Variants in NCALD observed in about 807,000 individuals in gnomAD.
NCALD encodes neurocalcin delta, also known as neurocalcin-delta.
NCALD carries 10 observed loss-of-function variants against 18.6 expected under a neutral mutation model. That is an observed-to-expected ratio of 0.54 (90% CI 0.33 to 0.91). The LOEUF is 0.91. Ranked by LOEUF, NCALD falls within the 40% of genes least tolerant of loss-of-function variation. The probability of loss-of-function intolerance (pLI) is 0.03; values close to 1 mark genes in which losing one functional copy is unlikely to be tolerated. For synonymous variants in NCALD, 88 were observed against 87.4 expected (o/e 1.01, Z -0.04); for missense variants, 184 against 247.6 (o/e 0.74, Z 1.72).
intron 3 of NCALD, among the ~76,000 whole-genome samples, chr8:101,897,032 C>T (rs1586716780): frequency 2.6e-5 from 2 of 76,200 alleles, no homozygotes; most frequent in Admixed American, 1.6e-4. Context: ...ACCCAAAGGA[C>T]TATAAATCAT....
At chr8:102,105,470 AG>A (rs1368174991) in intron 1 of NCALD, among the ~76,000 whole-genome samples, 4 of 152,182 alleles carry the variant, frequency 2.6e-5, no homozygotes, top group African/African-American at 9.6e-5. Flanking sequence ...TGCCTTTCTC[AG>A]TGAGCTGGAC....
intron 1 of NCALD, among the ~76,000 whole-genome samples, chr8:101,766,679 C>T (rs562323716): frequency 1.3e-5 from 2 of 152,246 alleles, no homozygotes; most frequent in South Asian, 2.1e-4. Flanking sequence ...TGGGTTCAAG[C>T]GATTCTCATG....
chr8:101,689,430 G>A lies in NCALD; in HGVS notation c.485-24C>T, dbSNP rs1265635259. On this transcript the variant is annotated intron_variant, in intron 3 of 3. Transcript: ENST00000220931. This position sits in a 1 kb window ranked among gnomAD's most constrained non-coding sequence, Gnocchi z 4.4. ...TCCTAGGAAGCAAGAGGACAGGTGAGTGGTGGCTGGTGGCAGCTGCATGAG... is the reference window on the plus strand; with the variant it reads ...TCCTAGGAAGCAAGAGGACAGGTGAATGGTGGCTGGTGGCAGCTGCATGAG... 1 of 1,553,270 alleles carries A rather than the reference G, an allele frequency of 6.4e-7. No individual in the cohort carries two copies. Among genetic ancestry groups the A allele is most frequent in the African/African-American group, 1.4e-5 (1 of 73,458 alleles).
intron 2 of NCALD, among the ~76,000 whole-genome samples, chr8:101,714,388 C>CA (rs1815961850): frequency 6.6e-6 from 1 of 152,176 alleles, no homozygotes; most frequent in Non-Finnish European, 1.5e-5. Context: ...AACTCCCACT[C>CA]ACAATTGCTA....
chr8:101,882,789 T>C (rs924253999), intron 4 of NCALD, among the ~76,000 whole-genome samples: 1 of 152,204 alleles, frequency 6.6e-6, no homozygotes, highest in Non-Finnish European at 1.5e-5. Context: ...ATACTCTCTA[T>C]GTAGCTATGC....
chr8:101,783,325 A>G (rs1398060748), intron 1 of NCALD, among the ~76,000 whole-genome samples: 1 of 152,210 alleles, frequency 6.6e-6, no homozygotes, highest in African/African-American at 2.4e-5. Flanking sequence ...TAAGGACACA[A>G]GGACCACATT....
chr8:101,874,763 A>G (rs1369899994), intron 4 of NCALD, among the ~76,000 whole-genome samples: 1 of 152,150 alleles, frequency 6.6e-6, no homozygotes, highest in Non-Finnish European at 1.5e-5. Flanking sequence ...CCTGGCCTCA[A>G]GTGATCCTCT....
intron 4 of NCALD, among the ~76,000 whole-genome samples, chr8:101,875,263 G>A (rs1270780305): frequency 6.6e-6 from 1 of 152,214 alleles, no homozygotes; most frequent in African/African-American, 2.4e-5. Context: ...CAGATGTCAG[G>A]ATGCTGGACT....
rs556582916 is a variant in NCALD at position 102,005,295 on chromosome 8, A to G, written c.-157+14942T>C. ...GAAAAAATGCTCATCATTACTGGCC[A>G]TCAGAGAAATGCAAATCAAAACCAC... On this transcript the variant is annotated intron_variant, in intron 2 of 6. Coordinates refer to the NCALD transcript ENST00000311028. 2.5e-3 allele frequency among the ~76,000 whole-genome samples: 375 copies of G among 152,372 alleles called. 1 individual carries two copies. Among genetic ancestry groups the G allele is most frequent in the Non-Finnish European group, 4.1e-3 (281 of 68,030 alleles).
chr8:101,885,770 T>C (rs1816654263), intron 4 of NCALD, among the ~76,000 whole-genome samples: 1 of 152,338 alleles, frequency 6.6e-6, no homozygotes, highest in East Asian at 1.9e-4. Flanking sequence ...AATAGCATCA[T>C]AGTGATTATC....
chr8:101,812,370 C>T (rs956250770), intron 4 of NCALD, among the ~76,000 whole-genome samples: 2 of 152,048 alleles, frequency 1.3e-5, no homozygotes, highest in African/African-American at 4.8e-5. Context: ...ATTGAGTTTT[C>T]CATAATGTAA....
chr8:102,072,813 G>C (rs1458848507), intron 1 of NCALD, among the ~76,000 whole-genome samples: 1 of 152,016 alleles, frequency 6.6e-6, no homozygotes, highest in East Asian at 1.9e-4. Context: ...CCATTCGAAA[G>C]ATTTTTCTAA....
chr8:102,118,769 C>G (rs138841765), intron 1 of NCALD, among the ~76,000 whole-genome samples: 2 of 151,912 alleles, frequency 1.3e-5, no homozygotes, highest in Admixed American at 1.3e-4. Context: ...CCAAACCTTC[C>G]GATCATGCCA....
intron 4 of NCALD, among the ~76,000 whole-genome samples, chr8:101,866,691 T>C (rs561822639): frequency 2.0e-5 from 3 of 152,288 alleles, no homozygotes; most frequent in African/African-American, 7.2e-5. Context: ...TCCTGTTATA[T>C]GAACTATCAA....
In NCALD at chr8:101,687,474, G is replaced by A. The variant is rs572176225; in HGVS notation, c.*1835C>T. ...GGAAGACTAGGATTATTTTTACAGA[G>A]TCTAGGTCTCAAAATTTCACCCTAT... On this transcript the variant is annotated 3_prime_UTR_variant, in exon 4 of 4. Coordinates refer to ENST00000220931, the MANE Select transcript of NCALD (RefSeq NM_032041.3). 2.0e-5 allele frequency: 3 copies of A among 152,758 alleles called. No homozygotes were observed. Among genetic ancestry groups the A allele is most frequent in the African/African-American group, 7.2e-5 (3 of 41,568 alleles). 9.5% of individuals were successfully genotyped at this position (152,758 alleles called of 1,614,324 possible). A position where few individuals can be genotyped will look rare whatever the true frequency, so the allele number is the denominator to read the frequency against.
At chr8:101,763,973 CA>C (rs1452925505) in intron 1 of NCALD, among the ~76,000 whole-genome samples, 2,406 of 25,980 alleles carry the variant, frequency 0.093, 74 homozygotes, top group African/African-American at 0.14. Context: ...TCTCCACACA[CA>C]CACACACACA....
At chr8:101,975,149 T>C (rs1767452393) in intron 2 of NCALD, 1 of 152,208 alleles carries the variant, frequency 6.6e-6, no homozygotes, top group African/African-American at 2.4e-5. Flanking sequence ...TAAACTCTGT[T>C]TGAAAACCAC....
chr8:101,885,694 C>T (rs1265529471), intron 4 of NCALD, among the ~76,000 whole-genome samples: 2 of 152,168 alleles, frequency 1.3e-5, no homozygotes, highest in Non-Finnish European at 2.9e-5. Context: ...GAATTACCTG[C>T]CCCTGAAACA....
rs145663319 is a variant in NCALD at position 102,043,206 on chromosome 8, G to A, written c.-209-22917C>T. On this transcript the variant is annotated intron_variant, in intron 1 of 6. Coordinates refer to the NCALD transcript ENST00000311028. ...CAGTTAACTGTATTTCCCAATTCATGCAGGGCTCATGTGTGTTCTTCACCC... is the reference window on the plus strand; with the variant it reads ...CAGTTAACTGTATTTCCCAATTCATACAGGGCTCATGTGTGTTCTTCACCC... 8.3e-3 allele frequency among the ~76,000 whole-genome samples: 1,266 copies of A among 152,102 alleles called. 18 individuals are homozygous for A. Among genetic ancestry groups the A allele is most frequent in the Non-Finnish European group, 0.011 (731 of 68,014 alleles).
Sources: allele counts gnomAD v4.1 joint callset (sites outside exome capture counted in the v4.1 genomes callset), GRCh38; gene constraint gnomAD v4.1.1; non-coding constraint Gnocchi (gnomAD v3.1); transcripts MANE v1.5; gene names NCBI Gene and HGNC (gene_info 2026-07-23, HGNC 2026-07-21).